The following PCNX1 variants were observed in gnomAD, a reference collection of about 807,000 sequenced individuals.
The protein encoded by PCNX1 is pecanex-like protein 1.
Under a neutral mutation model 242.2 loss-of-function variants are expected in PCNX1, and 78 were observed. The observed-to-expected ratio is 0.32, with a 90% confidence interval of 0.27 to 0.39. PCNX1 has a LOEUF of 0.39. PCNX1 is among the 10% of genes least tolerant of loss of function. The pLI is 1.00. For synonymous variants in PCNX1, 1,024 were observed against 1,032.9 expected, an observed-to-expected ratio of 0.99 and a Z score of 0.17; for missense variants, 2,581 against 2,856.5, an observed-to-expected ratio of 0.90 and a Z score of 2.20.
At chr14:71,080,256 T>A in intron 28 of PCNX1, among the ~76,000 whole-genome samples, 1 of 152,232 alleles carries the variant, frequency 6.6e-6, no homozygotes, top group South Asian at 2.1e-4. Context: ...GCCAGTACCA[T>A]GCTGTTTTGA....
intron 26 of PCNX1, among the ~76,000 whole-genome samples, chr14:71,064,026 T>C (rs889107884): frequency 5.9e-5 from 9 of 152,168 alleles, no homozygotes; most frequent in Non-Finnish European, 1.3e-4. Context: ...ATCAACAGTA[T>C]GTTCGGCTGA....
At chr14:71,056,209 T>C (rs933097879) in intron 25 of PCNX1, among the ~76,000 whole-genome samples, 3 of 152,270 alleles carry the variant, frequency 2.0e-5, no homozygotes, top group African/African-American at 7.2e-5. Context: ...TACACTGGAA[T>C]ATTTGTATCC....
At position 70,946,937 on chromosome 14, in the gene PCNX1, T is replaced by C. The variant is rs1387919438; in HGVS notation, c.176T>C (p.Ile59Thr). 1 of 1,612,092 alleles carries C rather than the reference T, an allele frequency of 6.2e-7. No individual in the cohort carries two copies. Among genetic ancestry groups the C allele is most frequent in the South Asian group, 1.1e-5 (1 of 91,058 alleles). The part of the protein sequence containing the change: ...LYMALPSTMI[I>T]VAVYCPVIAA... ...AAGGCCCTTCCTTCTACCATGATTATAGTAGCAGTTTATTGTCCTGTGATA... is the reference window on the plus strand; with the variant it reads ...AAGGCCCTTCCTTCTACCATGATTACAGTAGCAGTTTATTGTCCTGTGATA... Residue 59 changes from isoleucine (I) to threonine (T), a missense_variant, in exon 2 of 36, where the codon ATA (isoleucine) becomes ACA (threonine). Physicochemically the swap from Ile to Thr is moderately conservative, Grantham distance 89. Around this residue, in one of 9 missense-constraint regions of PCNX1, gnomAD observed 1,204 missense variants for 1,216.7 expected, o/e 0.99. Transcript: ENST00000304743.
chr14:70,934,441 A>T (rs992917729), intron 1 of PCNX1, among the ~76,000 whole-genome samples: 3 of 152,198 alleles, frequency 2.0e-5, no homozygotes, highest in Non-Finnish European at 4.4e-5. Context: ...TTATTATCTT[A>T]ACCATTTAAA....
chr14:71,045,786 T>C (rs1017983093), intron 20 of PCNX1, among the ~76,000 whole-genome samples: 4 of 152,164 alleles, frequency 2.6e-5, no homozygotes, highest in African/African-American at 9.7e-5. Flanking sequence ...ATTAAAAACA[T>C]TTTTAATAGC....
Position 71,011,576 on chromosome 14 carries a change from T to A in PCNX1, c.2778+27T>A, listed in dbSNP as rs2059822064. 2.4e-6 allele frequency: 3 copies of A among 1,271,780 alleles called. No individual in the cohort carries two copies. The African/African-American group carries it at 4.5e-5, about 19-fold the overall frequency. The allele number at this position is 1,271,780 out of a possible 1,614,324, so 78.8% of individuals were successfully genotyped here. Reference sequence around the variant, plus strand: ...TAGGTTTTTCTTTATTTTTACAACATGATAAATTTTCAGATTAAATCTGAA... The same window carrying A: ...TAGGTTTTTCTTTATTTTTACAACAAGATAAATTTTCAGATTAAATCTGAA... On this transcript the variant is annotated intron_variant, in intron 10 of 35. Transcript: ENST00000304743.
intron 23 of PCNX1, 144 bp from the exon 24 acceptor site, chr14:71,051,739 G>A: frequency 1.4e-6 from 1 of 727,270 alleles, no homozygotes; most frequent in Non-Finnish European, 2.3e-6. Flanking sequence ...TGACTGCCCA[G>A]TGATATACCT....
intron 2 of PCNX1, among the ~76,000 whole-genome samples, chr14:70,950,380 C>T (rs1595011672): frequency 6.6e-6 from 1 of 152,068 alleles, no homozygotes; most frequent in East Asian, 1.9e-4. Context: ...TGCACAGTAT[C>T]TCATTATGCC....
chr14:70,955,621 A>C (rs762037524), intron 2 of PCNX1, among the ~76,000 whole-genome samples: 11 of 152,106 alleles, frequency 7.2e-5, no homozygotes, highest in Non-Finnish European at 1.6e-4. Flanking sequence ...ATATTACCTG[A>C]ATTTGTTGTA....
chr14:71,045,258 A>G lies in PCNX1; in HGVS notation c.3993A>G (p.Leu1331=). 3.1e-6 allele frequency: 5 copies of G among 1,612,038 alleles called. No individual in the cohort carries two copies. Among genetic ancestry groups the G allele is most frequent in the Non-Finnish European group, 4.2e-6 (5 of 1,178,922 alleles). The change falls in exon 20 of 36, where the codon CTA becomes CTG. Residue 1331 remains leucine (L), a synonymous_variant. Coordinates refer to ENST00000304743, the MANE Select transcript of PCNX1 (RefSeq NM_014982.3). ...HCFSHPLLKT[L]EYNQYEVRNA... ...TCTCTCATCCTCTGCTAAAGACACTAGAGTATAATCAGTATGAAGTTCGAA... is the reference window on the plus strand; with the variant it reads ...TCTCTCATCCTCTGCTAAAGACACTGGAGTATAATCAGTATGAAGTTCGAA...
chr14:71,051,487 A>T (rs1241177348), intron 23 of PCNX1, among the ~76,000 whole-genome samples: 1 of 152,152 alleles, frequency 6.6e-6, no homozygotes, highest in Admixed American at 6.5e-5. Flanking sequence ...TACTCCCACG[A>T]TTTCTTAGAA....
At chr14:71,048,068 C>A in intron 22 of PCNX1, 84 bp downstream of exon 22, 1 of 932,366 alleles carries the variant, frequency 1.1e-6, no homozygotes. Flanking sequence ...TCTTATATTT[C>A]ATGTGATTTA....
At chr14:70,961,616 C>G (rs1375909236) in intron 2 of PCNX1, among the ~76,000 whole-genome samples, 1 of 152,132 alleles carries the variant, frequency 6.6e-6, no homozygotes, top group Non-Finnish European at 1.5e-5. Flanking sequence ...GCATCACTTT[C>G]TTTTTTTAAC....
intron 1 of PCNX1, among the ~76,000 whole-genome samples, chr14:70,914,354 A>G (rs1244053895): frequency 1.3e-5 from 2 of 152,188 alleles, no homozygotes; most frequent in African/African-American, 2.4e-5. Context: ...TAGACCTCCA[A>G]GAAAGCAGCC....
intron 15 of PCNX1, among the ~76,000 whole-genome samples, chr14:71,028,007 CTTTT>C (rs1172818528): frequency 2.6e-5 from 4 of 151,758 alleles, no homozygotes; most frequent in Non-Finnish European, 3.0e-5. Flanking sequence ...CTGTAGATTT[CTTTT>C]ATTATTATTA....
chr14:70,970,596 T>C (rs1046309962), intron 5 of PCNX1, among the ~76,000 whole-genome samples: 1 of 152,164 alleles, frequency 6.6e-6, no homozygotes, highest in Non-Finnish European at 1.5e-5. Context: ...TACACACGAA[T>C]CTACCCTTGC....
chr14:70,936,915 C>A (rs1316692969), intron 1 of PCNX1, among the ~76,000 whole-genome samples: 7 of 152,190 alleles, frequency 4.6e-5, no homozygotes, highest in Non-Finnish European at 1.5e-5. Context: ...TGTCTGTTGG[C>A]TGGATAAATG....
rs777175049 is a variant in PCNX1, at chr14:71,009,700, C to G, written c.2696C>G (p.Ala899Gly). 6.2e-7 allele frequency: 1 copy of G among 1,600,702 alleles called. No individual in the cohort carries two copies. The highest frequency in any genetic ancestry group is 8.5e-7 in the Non-Finnish European group (1 of 1,170,166). Residue 899 changes from alanine to glycine, a missense_variant, in exon 9 of 36, where the codon GCA (alanine) becomes GGA (glycine). Physicochemically the swap from Ala to Gly is moderately conservative, Grantham distance 60. Coordinates refer to ENST00000304743, the MANE Select transcript of PCNX1 (RefSeq NM_014982.3). ...CDMSLVNFEP[A>G]ARRASNICDT... Reference sequence around the variant, plus strand: ...ATGTCACTTGTGAATTTTGAACCAGCAGCAAGAAGAGCATCCAATATCTGG... The same window carrying G: ...ATGTCACTTGTGAATTTTGAACCAGGAGCAAGAAGAGCATCCAATATCTGG...
At chr14:71,005,346 A>G (rs1009707780) in intron 8 of PCNX1, among the ~76,000 whole-genome samples, 4 of 152,052 alleles carry the variant, frequency 2.6e-5, no homozygotes, top group South Asian at 2.1e-4. Flanking sequence ...CTCTACAAAA[A>G]AGTTTTAAAA....
Sources: allele counts gnomAD v4.1 joint callset (sites outside exome capture counted in the v4.1 genomes callset), GRCh38; gene constraint gnomAD v4.1.1; regional missense constraint gnomAD v4.1.1; transcripts MANE v1.5; gene names NCBI Gene and HGNC (gene_info 2026-07-23, HGNC 2026-07-21).